LTBP1: variants seen among roughly 807,000 people sequenced by gnomAD.
LTBP1 encodes the protein latent-transforming growth factor beta-binding protein 1.
LTBP1 carries 129 observed loss-of-function variants against 207.6 expected under a neutral mutation model. That is an observed-to-expected ratio of 0.62 (90% CI 0.54 to 0.72). The LOEUF is 0.72. Ranked by LOEUF, LTBP1 falls within the 30% of genes least tolerant of loss-of-function variation. The pLI is 0.00. For synonymous variants in LTBP1, 963 were observed against 833.7 expected (o/e 1.16, Z -2.67); for missense variants, 2,281 against 2,217.2 (o/e 1.03, Z -0.58).
At chr2:33,007,223 C>T (rs1429603763) in intron 2 of LTBP1, among the ~76,000 whole-genome samples, 4 of 152,084 alleles carry the variant, frequency 2.6e-5, no homozygotes, top group Non-Finnish European at 4.4e-5. Context: ...TCAAGTGATC[C>T]GCCCGCCTCG....
At position 33,398,401 on chromosome 2, in the gene LTBP1, T is replaced by G; in HGVS notation, c.5022T>G (p.Ser1674=). The G allele has an allele frequency of 1.2e-6, 2 of 1,614,120 alleles. No individual in the cohort carries two copies. Among genetic ancestry groups the G allele is most frequent in the Non-Finnish European group, 1.7e-6 (2 of 1,179,990 alleles). Residue 1674 remains serine (S), a synonymous_variant, in exon 34 of 34, where the codon TCT becomes TCG. Coordinates refer to ENST00000404816, the MANE Select transcript of LTBP1 (RefSeq NM_206943.4). ...GCGATGAGTTGAACAACCGGATGTC[T>G]CTCTGCAAGAATGCCAAGTGCATTA... ...NECDELNNRM[S]LCKNAKCINT... is the part of the protein sequence containing the mutation.
intron 2 of LTBP1, among the ~76,000 whole-genome samples, chr2:33,014,918 C>T (rs1032749586): frequency 2.0e-5 from 3 of 151,336 alleles, no homozygotes; most frequent in Non-Finnish European, 2.9e-5. Context: ...ACCTGCTCAC[C>T]TAGATCTTGA....
At chr2:33,319,771 C>CTAGATGGAG (rs1208930182) in intron 24 of LTBP1, among the ~76,000 whole-genome samples, 1 of 152,116 alleles carries the variant, frequency 6.6e-6, no homozygotes, top group East Asian at 1.9e-4. Context: ...AGCAGGGACC[C>CTAGATGGAG]CAAGGAGCCC....
At chr2:33,089,131 G>A (rs952304728) in intron 3 of LTBP1, among the ~76,000 whole-genome samples, 6 of 140,968 alleles carry the variant, frequency 4.3e-5, no homozygotes, top group African/African-American at 1.0e-4. Context: ...ACTCCAGCCT[G>A]GGTGATAGAG....
chr2:33,099,062 T>C (rs2079557087), intron 3 of LTBP1, among the ~76,000 whole-genome samples: 2 of 152,110 alleles, frequency 1.3e-5, no homozygotes, highest in Admixed American at 6.5e-5. Context: ...AAGCCATATA[T>C]TTTTTTCTCC....
At chr2:33,176,465 T>G (rs2086069029) in intron 5 of LTBP1, among the ~76,000 whole-genome samples, 1 of 152,200 alleles carries the variant, frequency 6.6e-6, no homozygotes, top group Admixed American at 6.5e-5. Context: ...GACTTCGTCA[T>G]CTGCCTGCCT....
intron 3 of LTBP1, among the ~76,000 whole-genome samples, chr2:33,106,879 T>G (rs1291464163): frequency 6.6e-6 from 1 of 152,230 alleles, no homozygotes; most frequent in Non-Finnish European, 1.5e-5. Flanking sequence ...CTTGCTTGAG[T>G]TGGGGAAAAC....
At chr2:32,996,671 A>G (rs1685329757) in intron 2 of LTBP1, among the ~76,000 whole-genome samples, 2 of 152,090 alleles carry the variant, frequency 1.3e-5, no homozygotes, top group Non-Finnish European at 2.9e-5. Flanking sequence ...CGGAGTTTTC[A>G]AGGAACTTGC....
chr2:33,095,361 G>A (rs1223999328), intron 3 of LTBP1, among the ~76,000 whole-genome samples: 6 of 152,150 alleles, frequency 3.9e-5, no homozygotes, highest in Non-Finnish European at 7.4e-5. Context: ...GGCTGATCCT[G>A]GGGAGACTCC....
At chr2:33,058,145 T>C (rs1157967962) in intron 3 of LTBP1, among the ~76,000 whole-genome samples, 1 of 152,226 alleles carries the variant, frequency 6.6e-6, no homozygotes, top group African/African-American at 2.4e-5. Flanking sequence ...TGAGAAGCAT[T>C]TCATGGTCTT....
intron 19 of LTBP1, among the ~76,000 whole-genome samples, chr2:33,285,151 C>T (rs180989779): frequency 0.02 from 3,034 of 150,004 alleles, 44 homozygotes; most frequent in Middle Eastern, 0.11. Context: ...AAGTGATTCT[C>T]CTGCGTCAGC....
rs2085083247 is a variant in LTBP1, at chr2:33,168,090, A to C, written c.1202-18766A>C. 2.0e-5 allele frequency among the ~76,000 whole-genome samples: 3 copies of C among 152,240 alleles called. No individual in the cohort carries two copies. In the South Asian group the frequency reaches 6.2e-4, roughly 32 times the overall value. On this transcript the variant is annotated intron_variant, in intron 5 of 33. Coordinates refer to ENST00000404816, the MANE Select transcript of LTBP1 (RefSeq NM_206943.4). Reference sequence around the variant, plus strand: ...ACTCTGTGCATAGTTGTAAGAACAGAAAATGGAGGCTGAGCACAGTGGCTC... The same window carrying C: ...ACTCTGTGCATAGTTGTAAGAACAGCAAATGGAGGCTGAGCACAGTGGCTC...
chr2:33,113,732 G>T (rs572004588), intron 4 of LTBP1, among the ~76,000 whole-genome samples: 1 of 152,180 alleles, frequency 6.6e-6, no homozygotes, highest in African/African-American at 2.4e-5. Flanking sequence ...TCTTTTCAAA[G>T]TTCATCCGTG....
rs759627500 is a variant in LTBP1, at chr2:33,187,035, A to G, written c.1381A>G (p.Thr461Ala). ...KALGTHVIHS[T>A]HTLPLTVTSQ... The stretch of plus-strand genomic sequence containing the variant: ...GTTGGGGACGCATGTCATCCATTCA[A>G]CACATACCTTGCCTCTGACCGTGAC... Residue 461 changes from threonine (T) to alanine (A), a missense_variant, in exon 6 of 34, where the codon ACA becomes GCA. By Grantham distance (58) the Thr-to-Ala change is moderately conservative. This residue lies in a region of LTBP1 where 1,671 missense variants were observed against 1,634.8 expected (regional missense o/e 1.02). Coordinates refer to ENST00000404816, the MANE Select transcript of LTBP1 (RefSeq NM_206943.4). The G allele has an allele frequency of 3.7e-6, 6 of 1,614,076 alleles. No homozygotes were observed. Among genetic ancestry groups the G allele is most frequent in the African/African-American group, 1.3e-5 (1 of 74,926 alleles).
At chr2:33,371,198 C>T (rs185610776) in intron 31 of LTBP1, among the ~76,000 whole-genome samples, 3 of 152,174 alleles carry the variant, frequency 2.0e-5, no homozygotes, top group Non-Finnish European at 4.4e-5. Flanking sequence ...GAGGCCAGAC[C>T]GCAGACTGCA....
intron 25 of LTBP1, among the ~76,000 whole-genome samples, chr2:33,344,362 T>C (rs970031300): frequency 5.3e-5 from 8 of 152,244 alleles, no homozygotes; most frequent in Non-Finnish European, 1.2e-4. Context: ...TTTTCACCAG[T>C]TGGGTCTTGT....
intron 7 of LTBP1, among the ~76,000 whole-genome samples, chr2:33,192,093 A>G (rs775639208): frequency 2.6e-5 from 4 of 152,184 alleles, no homozygotes; most frequent in Non-Finnish European, 5.9e-5. Context: ...GAACAGAGGA[A>G]AGAGAACAGT....
At chr2:32,967,787 C>T (rs1468974166) in intron 2 of LTBP1, among the ~76,000 whole-genome samples, 1 of 152,108 alleles carries the variant, frequency 6.6e-6, no homozygotes, top group Non-Finnish European at 1.5e-5. Flanking sequence ...AATGTATATT[C>T]TGCTGTCGTT....
At chr2:33,084,624 C>T (rs2078644114) in intron 3 of LTBP1, among the ~76,000 whole-genome samples, 1 of 152,224 alleles carries the variant, frequency 6.6e-6, no homozygotes, top group Non-Finnish European at 1.5e-5. Context: ...CCACATCCCA[C>T]TCTCTGGAAA....
Sources: gnomAD v4.1 joint callset for allele counts (sites outside exome capture counted in the v4.1 genomes callset) on GRCh38, gnomAD v4.1.1 for gene constraint, gnomAD v4.1.1 regional missense constraint, MANE v1.5 for transcripts, NCBI Gene and HGNC (gene_info 2026-07-23, HGNC 2026-07-21) for gene names.